MAP2K5: variants seen among roughly 807,000 people sequenced by gnomAD.
MAP2K5 encodes mitogen-activated protein kinase kinase 5.
A neutral mutation model predicts 83.1 loss-of-function variants in MAP2K5; 49 were observed. That is an observed-to-expected ratio of 0.59 (90% CI 0.47 to 0.75). The LOEUF (loss-of-function observed/expected upper bound fraction) is 0.75, where lower values mean the gene tolerates loss of function less well. Ranked by LOEUF, MAP2K5 falls within the 30% of genes least tolerant of loss-of-function variation. The pLI is 0.00. For synonymous variants in MAP2K5, 202 were observed against 191.8 expected (o/e 1.05, Z -0.44); for missense variants, 457 against 557.5 (o/e 0.82, Z 1.82).
intron 13 of MAP2K5, among the ~76,000 whole-genome samples, chr15:67,679,127 C>T (rs551973957): frequency 1.3e-5 from 2 of 152,296 alleles, no homozygotes; most frequent in South Asian, 4.1e-4. Context: ...TAACCTCCCA[C>T]CCTGACCCCT....
chr15:67,748,585 A>C lies in MAP2K5; in HGVS notation c.1118A>C (p.Gln373Pro). 1.2e-6 allele frequency: 2 copies of C among 1,614,088 alleles called. No individual in the cohort carries two copies. Among genetic ancestry groups the C allele is most frequent in the Non-Finnish European group, 1.7e-6 (2 of 1,179,954 alleles). ...CCATTGCAGCCTCTCCAGCTTCTGC[A>C]GTGCATTGTTGATGAGGTGAGGCAT... is the stretch of plus-strand genomic sequence containing the variant. ...QGSLMPLQLL[Q>P]CIVDEDSPVL... The change falls in exon 19 of 22, where the codon CAG becomes CCG. Residue 373 changes from glutamine to proline, a missense_variant. Transcript: ENST00000178640. The surrounding 1 kb of genome is among the most constrained non-coding windows in gnomAD (Gnocchi z 4.0).
At chr15:67,704,682 G>A (rs1170458066) in intron 16 of MAP2K5, among the ~76,000 whole-genome samples, 8 of 152,274 alleles carry the variant, frequency 5.3e-5, no homozygotes, top group African/African-American at 1.4e-4. Flanking sequence ...AGAGGTTAGC[G>A]ATAATGGTGG....
chr15:67,686,642 T>TAAC (rs1047050849), intron 13 of MAP2K5, among the ~76,000 whole-genome samples: 58 of 124,946 alleles, frequency 4.6e-4, no homozygotes, highest in African/African-American at 1.7e-3. Flanking sequence ...ATAATAATAA[T>TAAC]AACATGTTGT....
chr15:67,718,085 T>C (rs1191516330), intron 16 of MAP2K5: 1 of 152,240 alleles, frequency 6.6e-6, no homozygotes, highest in Non-Finnish European at 1.5e-5. Context: ...TGGAGGGCAG[T>C]GTTCCAACAG....
intron 16 of MAP2K5, among the ~76,000 whole-genome samples, chr15:67,723,646 A>G (rs1201219519): frequency 6.6e-6 from 1 of 152,138 alleles, no homozygotes; most frequent in Non-Finnish European, 1.5e-5. Context: ...AGCTTTTCCA[A>G]ATCTTTTACG....
At chr15:67,659,308 A>G (rs1008083313) in intron 12 of MAP2K5, 4 of 156,468 alleles carry the variant, frequency 2.6e-5, no homozygotes, top group Admixed American at 2.5e-4. Context: ...AGGCACGATG[A>G]TAACTTCAGT....
chr15:67,585,221 C>T (rs766789626), intron 4 of MAP2K5, among the ~76,000 whole-genome samples: 2 of 151,920 alleles, frequency 1.3e-5, no homozygotes, highest in Non-Finnish European at 2.9e-5. Flanking sequence ...GTATTTTTAA[C>T]ATTTGTTGAA....
chr15:67,711,377 A>G (rs1303340255), intron 16 of MAP2K5, among the ~76,000 whole-genome samples: 2 of 152,232 alleles, frequency 1.3e-5, no homozygotes, highest in African/African-American at 4.8e-5. Context: ...CCAGATTTGA[A>G]TTCCACTTCA....
At chr15:67,762,956 G>A (rs549155134) in intron 19 of MAP2K5, among the ~76,000 whole-genome samples, 3 of 152,242 alleles carry the variant, frequency 2.0e-5, no homozygotes, top group East Asian at 1.9e-4. Flanking sequence ...TGGACAGAAC[G>A]TCACACCAAA....
chr15:67,638,367 C>A lies in MAP2K5; in HGVS notation c.585+7440C>A, dbSNP rs2086648223. On this transcript the variant is annotated intron_variant, in intron 9 of 21. Transcript: ENST00000178640. This position sits in a 1 kb window ranked among gnomAD's most constrained non-coding sequence, Gnocchi z 4.5. ...GTTAGTTTGCTAAAGATGATGACCT[C>A]CAGCTCCATCCATGTTCCTGCAGAG... Among the ~76,000 whole-genome samples, 1 of 152,180 alleles carries A rather than the reference C, an allele frequency of 6.6e-6. No homozygotes were observed. Among genetic ancestry groups the A allele is most frequent in the Non-Finnish European group, 1.5e-5 (1 of 68,036 alleles).
In MAP2K5 at chr15:67,775,530, T is replaced by A. The variant is rs999493358; in HGVS notation, c.1242+2778T>A. Among the ~76,000 whole-genome samples the A allele has an allele frequency of 3.9e-5, 6 of 152,228 alleles. No individual in the cohort carries two copies. Among genetic ancestry groups the A allele is most frequent in the African/African-American group, 1.4e-4 (6 of 41,460 alleles). Reference sequence around the variant, plus strand: ...AAATAATTGAATTTGTTAGTTGATATACCATTGTGCACAGTCTTGTTCTAG... The same window carrying A: ...AAATAATTGAATTTGTTAGTTGATAAACCATTGTGCACAGTCTTGTTCTAG... On this transcript the variant is annotated intron_variant, in intron 21 of 21. Transcript: ENST00000178640. This position sits in a 1 kb window ranked among gnomAD's most constrained non-coding sequence, Gnocchi z 5.3.
chr15:67,714,546 G>T (rs569399404), intron 16 of MAP2K5, among the ~76,000 whole-genome samples: 5 of 151,638 alleles, frequency 3.3e-5, no homozygotes, highest in African/African-American at 9.7e-5. Flanking sequence ...TGGTCCGAGG[G>T]GTGACGGATG....
rs894477671 is a variant in MAP2K5, at chr15:67,749,418, T to C, written c.1134+817T>C. Among the ~76,000 whole-genome samples, 1 of 152,208 alleles carries C rather than the reference T, an allele frequency of 6.6e-6. No individual in the cohort carries two copies. The highest frequency in any genetic ancestry group is 1.5e-5 in the Non-Finnish European group (1 of 68,040). ...GTTTATTTTTTAAACTTTAATTTTA[T>C]AATATTTAAAACAGTTGTAATTAGA... On this transcript the variant is annotated intron_variant, in intron 19 of 21. Transcript: ENST00000178640. This position sits in a 1 kb window ranked among gnomAD's most constrained non-coding sequence, Gnocchi z 4.6.
In MAP2K5 at chr15:67,794,963, G is replaced by A. The variant is rs2090580371; in HGVS notation, c.1243-11683G>A. ...ATGATAGGACTCTGAAACCTCTGAC[G>A]CCCCCGCGGTGGGTGATGTTTTGTC... On this transcript the variant is annotated intron_variant, in intron 21 of 21. Coordinates refer to ENST00000178640, the MANE Select transcript of MAP2K5 (RefSeq NM_145160.3). This position sits in a 1 kb window ranked among gnomAD's most constrained non-coding sequence, Gnocchi z 4.6. Among the ~76,000 whole-genome samples the A allele has an allele frequency of 6.6e-6, 1 of 152,292 alleles. No individual in the cohort carries two copies. The highest frequency in any genetic ancestry group is 2.1e-4 in the South Asian group (1 of 4,832).
rs1275130295 is a variant in MAP2K5, at chr15:67,719,630, A to G, written c.1045-8286A>G. Among the ~76,000 whole-genome samples, 1 of 152,210 alleles carries G rather than the reference A, an allele frequency of 6.6e-6. No individual in the cohort carries two copies. Among genetic ancestry groups the G allele is most frequent in the East Asian group, 1.9e-4 (1 of 5,194 alleles). ...AGTTTGTCTACAAAATTGTGGGTAG[A>G]GTCTTCTAGGATTAACTCCTGACAG... On this transcript the variant is annotated intron_variant, in intron 16 of 21. Coordinates refer to ENST00000178640, the MANE Select transcript of MAP2K5 (RefSeq NM_145160.3). The surrounding 1 kb of genome is among the most constrained non-coding windows in gnomAD (Gnocchi z 4.6).
At chr15:67,624,912 C>T (rs999495985) in intron 8 of MAP2K5, among the ~76,000 whole-genome samples, 13 of 152,066 alleles carry the variant, frequency 8.5e-5, no homozygotes, top group African/African-American at 2.4e-4. Flanking sequence ...ATTACAGGCA[C>T]GAGCCACTGT....
chr15:67,574,957 CA>C (rs2085024467), intron 3 of MAP2K5, among the ~76,000 whole-genome samples: 1 of 152,064 alleles, frequency 6.6e-6, no homozygotes, highest in Non-Finnish European at 1.5e-5. Context: ...GGATTACTTC[CA>C]GATTTCTGGT....
At chr15:67,605,877 G>A (rs1466913441) in intron 8 of MAP2K5, among the ~76,000 whole-genome samples, 1 of 152,180 alleles carries the variant, frequency 6.6e-6, no homozygotes, top group Admixed American at 6.5e-5. Context: ...ACTTTGCGAG[G>A]CTGTACAATT....
chr15:67,697,593 C>T (rs888819229), intron 15 of MAP2K5, among the ~76,000 whole-genome samples: 4 of 152,184 alleles, frequency 2.6e-5, no homozygotes, highest in Admixed American at 2.6e-4. Flanking sequence ...CAGTACCTCA[C>T]ACAGTGCCAG....
Sources: allele counts gnomAD v4.1 joint callset (sites outside exome capture counted in the v4.1 genomes callset), GRCh38; gene constraint gnomAD v4.1.1; non-coding constraint Gnocchi (gnomAD v3.1); transcripts MANE v1.5; gene names NCBI Gene and HGNC (gene_info 2026-07-23, HGNC 2026-07-21).